OSBP2: variants seen among roughly 807,000 people sequenced by gnomAD.
The protein encoded by OSBP2 is oxysterol binding protein 2.
Under a neutral mutation model 96.0 loss-of-function variants are expected in OSBP2, and 66 were observed. The observed-to-expected ratio is 0.69, with a 90% CI of 0.56 to 0.84. The LOEUF is 0.84. Among genes scored for constraint, OSBP2 ranks in the 40% least tolerant of loss-of-function variants. The pLI, the probability that OSBP2 is intolerant of heterozygous loss-of-function variation, is 0.00. For synonymous variants in OSBP2, 525 were observed against 520.9 expected (o/e 1.01, Z -0.11); for missense variants, 1,038 against 1,222.7 (o/e 0.85, Z 2.25).
At chr22:30,876,737 C>T (rs2039588663) in intron 3 of OSBP2, among the ~76,000 whole-genome samples, 1 of 152,162 alleles carries the variant, frequency 6.6e-6, no homozygotes, top group African/African-American at 2.4e-5. Context: ...CATTGCGTGG[C>T]ATGCCAGACA....
chr22:30,874,410 CA>C (rs368141289), intron 3 of OSBP2, among the ~76,000 whole-genome samples: 371 of 147,778 alleles, frequency 2.5e-3, no homozygotes, highest in African/African-American at 8.8e-3. Flanking sequence ...GACTCTGTCT[CA>C]AAAAAAAAGA....
At chr22:30,896,324 A>G (rs1318459327) in intron 12 of OSBP2, among the ~76,000 whole-genome samples, 1 of 152,114 alleles carries the variant, frequency 6.6e-6, no homozygotes, top group Non-Finnish European at 1.5e-5. Context: ...CCAGCCTAAA[A>G]GTTATTTTTT....
intron 2 of OSBP2, among the ~76,000 whole-genome samples, chr22:30,779,170 C>T (rs1377065744): frequency 6.6e-6 from 1 of 151,580 alleles, no homozygotes; most frequent in African/African-American, 2.4e-5. Flanking sequence ...CAACCTCTGC[C>T]CACCGGGTTC....
intron 1 of OSBP2, among the ~76,000 whole-genome samples, chr22:30,714,196 T>G (rs2089406589): frequency 6.6e-6 from 1 of 152,218 alleles, no homozygotes; most frequent in Admixed American, 6.5e-5. Context: ...TTACTTAACA[T>G]AATGTTCTCT....
chr22:30,790,168 G>A (rs560726005), intron 2 of OSBP2, among the ~76,000 whole-genome samples: 3 of 152,046 alleles, frequency 2.0e-5, no homozygotes, highest in South Asian at 2.1e-4. Context: ...TGTGGATGAC[G>A]CACAGGGCTT....
intron 12 of OSBP2, among the ~76,000 whole-genome samples, chr22:30,905,444 G>C (rs1348382705): frequency 6.6e-6 from 1 of 151,626 alleles, no homozygotes; most frequent in Non-Finnish European, 1.5e-5. Context: ...GCCCAGCGGA[G>C]ACCCTGTCTT....
intron 2 of OSBP2, among the ~76,000 whole-genome samples, chr22:30,755,982 G>A (rs1366231173): frequency 2.6e-5 from 4 of 152,096 alleles, no homozygotes; most frequent in African/African-American, 4.8e-5. Flanking sequence ...GTGCCTTAAC[G>A]TGGAGCACCA....
intron 2 of OSBP2, among the ~76,000 whole-genome samples, chr22:30,852,178 G>A (rs1411801418): frequency 6.6e-6 from 1 of 152,130 alleles, no homozygotes; most frequent in Non-Finnish European, 1.5e-5. Context: ...GGCCTCATAG[G>A]ATGATTGTGA....
chr22:30,848,789 A>C (rs1004530283), intron 2 of OSBP2, among the ~76,000 whole-genome samples: 5 of 152,208 alleles, frequency 3.3e-5, no homozygotes, highest in Non-Finnish European at 5.9e-5. Flanking sequence ...CATAGTGTGA[A>C]TATACCACAA....
chr22:30,865,352 T>C (rs1420222429), intron 2 of OSBP2, among the ~76,000 whole-genome samples: 1 of 152,096 alleles, frequency 6.6e-6, no homozygotes, highest in African/African-American at 2.4e-5. Context: ...TGGCCGGGCA[T>C]GGTGGCTCAC....
intron 1 of OSBP2, among the ~76,000 whole-genome samples, chr22:30,705,982 C>A (rs1410877949): frequency 6.6e-6 from 1 of 152,132 alleles, no homozygotes; most frequent in East Asian, 1.9e-4. Context: ...ATACAGCTGG[C>A]AAACTATGTC....
intron 2 of OSBP2, among the ~76,000 whole-genome samples, chr22:30,828,183 G>A (rs747978812): frequency 6.6e-6 from 1 of 152,212 alleles, no homozygotes; most frequent in Non-Finnish European, 1.5e-5. Context: ...TGGAGGTCTC[G>A]AATCTTTCAA....
chr22:30,788,612 T>G (rs1049908903), intron 2 of OSBP2, among the ~76,000 whole-genome samples: 1 of 152,234 alleles, frequency 6.6e-6, no homozygotes, highest in African/African-American at 2.4e-5. Flanking sequence ...ATTATCACCG[T>G]AGCTCCAGCA....
At chr22:30,790,190 C>T (rs1359095068) in intron 2 of OSBP2, among the ~76,000 whole-genome samples, 1 of 151,904 alleles carries the variant, frequency 6.6e-6, no homozygotes. Context: ...TTCTTTGTGC[C>T]CTCTCAAGCT....
chr22:30,865,466 C>T (rs534031219), intron 2 of OSBP2, among the ~76,000 whole-genome samples: 86 of 151,948 alleles, frequency 5.7e-4, no homozygotes, highest in Non-Finnish European at 9.3e-4. Context: ...CCCATCTCTA[C>T]GCTGAAGATA....
At chr22:30,810,268 G>A (rs1359030108) in intron 2 of OSBP2, among the ~76,000 whole-genome samples, 1 of 152,146 alleles carries the variant, frequency 6.6e-6, no homozygotes. Context: ...AAGAGGGGTG[G>A]TTGGTGTGAC....
rs1315414899 is a variant in OSBP2 at position 30,902,712 on chromosome 22, C to T, written c.2376-3125C>T. The T allele has an allele frequency of 1.0e-5, 5 of 498,338 alleles. No individual in the cohort carries two copies. The East Asian group carries it at 1.3e-4, about 13-fold the overall frequency. 30.9% of individuals were successfully genotyped at this position (498,338 alleles called of 1,614,324 possible). A position where few individuals can be genotyped will look rare whatever the true frequency, so the allele number is the denominator to read the frequency against. On this transcript the variant is annotated intron_variant, in intron 12 of 13. Transcript: ENST00000332585. ...TTGTGACGCCCCTCAATGAAGTAGC[C>T]GATCCCAACTCTGCTATCTTCAGGG...
At chr22:30,838,922 G>T (rs958307847) in intron 2 of OSBP2, among the ~76,000 whole-genome samples, 1 of 150,660 alleles carries the variant, frequency 6.6e-6, no homozygotes, top group African/African-American at 2.4e-5. Flanking sequence ...TGGCATGCTG[G>T]TGTGCTGCAC....
intron 2 of OSBP2, among the ~76,000 whole-genome samples, chr22:30,812,920 T>C (rs2091029090): frequency 6.6e-6 from 1 of 151,050 alleles, no homozygotes; most frequent in Middle Eastern, 3.2e-3. Context: ...TGTATATTTA[T>C]ATTTGTTGCC....
Sources: allele counts gnomAD v4.1 joint callset (sites outside exome capture counted in the v4.1 genomes callset), GRCh38; gene constraint gnomAD v4.1.1; transcripts MANE v1.5; gene names NCBI Gene and HGNC (gene_info 2026-07-23, HGNC 2026-07-21).